NUTF2: variants seen among roughly 807,000 people sequenced by gnomAD.
NUTF2 encodes nuclear transport factor 2.
In NUTF2, 3 loss-of-function variants were observed where a neutral mutation model predicts 18.5. That is an observed-to-expected ratio of 0.16 (90% CI 0.07 to 0.42). The LOEUF (loss-of-function observed/expected upper bound fraction) is 0.42, where lower values mean the gene tolerates loss of function less well. Among genes scored for constraint, NUTF2 ranks in the 10% least tolerant of loss-of-function variants. The pLI, the probability that NUTF2 is intolerant of heterozygous loss-of-function variation, is 0.99. For synonymous variants in NUTF2, 51 were observed against 57.9 expected (o/e 0.88, Z 0.54); for missense variants, 44 against 160.7 (o/e 0.27, Z 3.93).
At chr16:67,852,361 T>TC (rs2057866342) in intron 1 of NUTF2, among the ~76,000 whole-genome samples, 1 of 151,526 alleles carries the variant, frequency 6.6e-6, no homozygotes, top group African/African-American at 2.4e-5. Context: ...CTTTTTTTTT[T>TC]TTTTTCACCC....
In NUTF2 at chr16:67,871,155, G is replaced by T. The variant is rs1043515067; in HGVS notation, c.*242G>T. 5.6e-5 allele frequency: 17 copies of T among 304,370 alleles called. No homozygotes were observed. Among genetic ancestry groups the T allele is most frequent in the East Asian group, 1.1e-4 (2 of 18,386 alleles). The allele number at this position is 304,370 out of a possible 1,614,324, so 18.9% of individuals were successfully genotyped here. A position where few individuals can be genotyped will look rare whatever the true frequency, so the allele number is the denominator to read the frequency against. On this transcript the variant is annotated 3_prime_UTR_variant, in exon 5 of 5. Transcript: ENST00000219169. ...TTGGAAAGACTTAAGTAATGCAAAAGGTTGTCCTTTTTTTTTTTTTTTTTT... is the reference window on the plus strand; with the variant it reads ...TTGGAAAGACTTAAGTAATGCAAAATGTTGTCCTTTTTTTTTTTTTTTTTT...
At chr16:67,855,870 A>T (rs1001567673) in intron 1 of NUTF2, 29 of 372,024 alleles carry the variant, frequency 7.8e-5, no homozygotes, top group Admixed American at 6.7e-4. Context: ...ATTCCTTGCC[A>T]CCCGATTTTT....
intron 1 of NUTF2, chr16:67,855,887 CG>C (rs796843812): frequency 0.11 from 19,467 of 180,592 alleles, 83 homozygotes; most frequent in African/African-American, 0.13. Context: ...TTTTTTTTGG[CG>C]GGGGGGGGGG....
chr16:67,865,698 A>G (rs2057965850), intron 2 of NUTF2, among the ~76,000 whole-genome samples: 1 of 149,818 alleles, frequency 6.7e-6, no homozygotes, highest in Non-Finnish European at 1.5e-5. Context: ...AAACCCTTCT[A>G]TGCAGGCATT....
intron 1 of NUTF2, among the ~76,000 whole-genome samples, chr16:67,858,961 C>T (rs899962632): frequency 4.6e-5 from 7 of 151,768 alleles, no homozygotes; most frequent in African/African-American, 9.7e-5. Context: ...CTCAGCCTCC[C>T]GAGTAACTGG....
intron 1 of NUTF2, among the ~76,000 whole-genome samples, chr16:67,857,046 T>G (rs2057902777): frequency 6.6e-6 from 1 of 152,258 alleles, no homozygotes; most frequent in African/African-American, 2.4e-5. Flanking sequence ...CTTTATTCCC[T>G]GCTCTTCTCA....
At chr16:67,860,352 G>A (rs1290427059) in intron 1 of NUTF2, among the ~76,000 whole-genome samples, 1 of 152,112 alleles carries the variant, frequency 6.6e-6, no homozygotes, top group Non-Finnish European at 1.5e-5. Flanking sequence ...ACAGCTCACT[G>A]TAGCCTGGAC....
chr16:67,868,704 C>A, intron 4 of NUTF2, 105 bp downstream of exon 4: 6 of 1,061,926 alleles, frequency 5.7e-6, no homozygotes, highest in South Asian at 5.6e-5. Context: ...GACACCCAGA[C>A]AAAGTGACTG....
At chr16:67,856,189 T>G in intron 1 of NUTF2, 1 of 315,292 alleles carries the variant, frequency 3.2e-6, no homozygotes, top group Non-Finnish European at 6.0e-6. Flanking sequence ...CTCGGCCAGT[T>G]TTTTTTTGTT....
chr16:67,859,173 G>T (rs932812685), intron 1 of NUTF2, among the ~76,000 whole-genome samples: 1 of 151,668 alleles, frequency 6.6e-6, no homozygotes, highest in Non-Finnish European at 1.5e-5. Context: ...CTCTGGCTCC[G>T]AGGGTTTGTT....
chr16:67,865,422 A>G (rs1203680826), intron 2 of NUTF2, among the ~76,000 whole-genome samples, 193 bp downstream of exon 2: 2 of 152,280 alleles, frequency 1.3e-5, no homozygotes, highest in East Asian at 3.9e-4. Context: ...CCTTTTGTCA[A>G]CTTCCACAAG....
intron 1 of NUTF2, among the ~76,000 whole-genome samples, 167 bp from the exon 2 acceptor site, chr16:67,864,935 T>A (rs1176234231): frequency 6.6e-6 from 1 of 152,180 alleles, no homozygotes; most frequent in Non-Finnish European, 1.5e-5. Context: ...AGCACTGGTC[T>A]GGCTTGGGAG....
At chr16:67,857,734 G>A (rs963168413) in intron 1 of NUTF2, among the ~76,000 whole-genome samples, 42 of 152,262 alleles carry the variant, frequency 2.8e-4, no homozygotes, top group African/African-American at 9.9e-4. Flanking sequence ...GGCTGTGCCT[G>A]CTGTTTAGCC....
chr16:67,857,231 C>T (rs1428185973), intron 1 of NUTF2, among the ~76,000 whole-genome samples: 2 of 152,160 alleles, frequency 1.3e-5, no homozygotes, highest in African/African-American at 4.8e-5. Context: ...TCTTCTCAGT[C>T]ACTGGGGAAA....
chr16:67,847,456 G>A (rs2057813398), intron 1 of NUTF2: 1 of 152,320 alleles, frequency 6.6e-6, no homozygotes, highest in Non-Finnish European at 1.5e-5. Context: ...AGTCAGCATG[G>A]GTAAGGGCGC....
At chr16:67,849,901 G>A (rs751584516) in intron 1 of NUTF2, among the ~76,000 whole-genome samples, 1 of 151,332 alleles carries the variant, frequency 6.6e-6, no homozygotes, top group Non-Finnish European at 1.5e-5. Context: ...CTCGTGATCC[G>A]CCCGTCTCGG....
intron 4 of NUTF2, 114 bp downstream of exon 4, chr16:67,868,713 T>C (rs1403441530): frequency 2.1e-6 from 2 of 956,974 alleles, no homozygotes; most frequent in Admixed American, 4.0e-5. Context: ...ACAAAGTGAC[T>C]GTCTAGAGCT....
intron 2 of NUTF2, among the ~76,000 whole-genome samples, chr16:67,867,345 T>C (rs1211923725): frequency 2.0e-5 from 3 of 152,236 alleles, no homozygotes; most frequent in African/African-American, 7.2e-5. Context: ...TTATATTTAT[T>C]ATTTCATAAT....
chr16:67,871,160 T>TA lies in NUTF2; in HGVS notation c.*247_*248insA. On this transcript the variant is annotated 3_prime_UTR_variant, in exon 5 of 5. Transcript: ENST00000219169. Reference sequence around the variant, plus strand: ...AAGACTTAAGTAATGCAAAAGGTTGTCCTTTTTTTTTTTTTTTTTTTTTTA... The same window carrying TA: ...AAGACTTAAGTAATGCAAAAGGTTGTACCTTTTTTTTTTTTTTTTTTTTTTA... 6.6e-6 allele frequency: 2 copies of TA among 304,946 alleles called. No homozygotes were observed. Among genetic ancestry groups the TA allele is most frequent in the Non-Finnish European group, 5.8e-6 (1 of 171,358 alleles). 18.9% of individuals were successfully genotyped at this position (304,946 alleles called of 1,614,324 possible).
Sources: gnomAD v4.1 joint callset for allele counts (sites outside exome capture counted in the v4.1 genomes callset) on GRCh38, gnomAD v4.1.1 for gene constraint, MANE v1.5 for transcripts, NCBI Gene and HGNC (gene_info 2026-07-23, HGNC 2026-07-21) for gene names.